Variants in RUVBL1 observed in about 807,000 individuals in gnomAD.
RUVBL1 encodes the protein ruvB-like 1.
A neutral mutation model predicts 52.4 loss-of-function variants in RUVBL1; 4 were observed. The observed-to-expected ratio is 0.08, with a 90% CI of 0.04 to 0.17. The LOEUF is 0.17. Among genes scored for constraint, RUVBL1 ranks in the 10% least tolerant of loss-of-function variants. RUVBL1 has a pLI of 1.00. For synonymous variants in RUVBL1, 217 were observed against 214.4 expected, an observed-to-expected ratio of 1.01 and a Z score of -0.10; for missense variants, 298 against 572.8, an observed-to-expected ratio of 0.52 and a Z score of 4.90.
intron 1 of RUVBL1, among the ~76,000 whole-genome samples, chr3:128,148,942 A>G (rs1944143908): frequency 6.6e-6 from 1 of 152,002 alleles, no homozygotes; most frequent in Non-Finnish European, 1.5e-5. Context: ...ACAGTTTTTC[A>G]TTATGGAAAA....
rs1262649177 is a variant in RUVBL1, at chr3:128,100,604, C to T, written c.744G>A (p.Ala248=). The T allele has an allele frequency of 4.4e-6, 7 of 1,607,566 alleles. No individual in the cohort carries two copies. Among genetic ancestry groups the T allele is most frequent in the East Asian group, 2.2e-5 (1 of 44,612 alleles). The change falls in exon 6 of 11, where the codon GCG becomes GCA. Residue 248 remains alanine, a synonymous_variant. Transcript: ENST00000322623. Reference sequence around the variant, plus strand: ...GGCATCGAGGCAGTACCTGGGGCCGCGCATTAGCCACATCCAAGTCATGCA... The same window carrying T: ...GGCATCGAGGCAGTACCTGGGGCCGTGCATTAGCCACATCCAAGTCATGCA... The part of the protein sequence containing the change: ...VTLHDLDVAN[A]RPQGGQDILS...
intron 3 of RUVBL1, among the ~76,000 whole-genome samples, chr3:128,108,497 C>T (rs1479329408): frequency 6.6e-6 from 1 of 152,008 alleles, no homozygotes; most frequent in Non-Finnish European, 1.5e-5. Context: ...CAGATTTTAT[C>T]AATATCAGAA....
At chr3:128,140,115 C>G (rs925607751) in intron 1 of RUVBL1, among the ~76,000 whole-genome samples, 1 of 151,520 alleles carries the variant, frequency 6.6e-6, no homozygotes, top group African/African-American at 2.4e-5. Context: ...CATTGTATGC[C>G]TGTGTCAAAA....
intron 6 of RUVBL1, 64 bp downstream of exon 6, chr3:128,100,531 C>A: frequency 6.6e-7 from 1 of 1,508,872 alleles, no homozygotes; most frequent in South Asian, 1.3e-5. Flanking sequence ...ACAATTCATT[C>A]CCAGATCTCC....
intron 3 of RUVBL1, 29 bp from the exon 4 acceptor site, chr3:128,104,953 G>A (rs1401187893): frequency 1.3e-6 from 2 of 1,583,120 alleles, no homozygotes; most frequent in South Asian, 2.2e-5. Flanking sequence ...GGGCCATGGT[G>A]AGAAGCAGAA....
rs72970131 is a variant in RUVBL1 at position 128,136,777 on chromosome 3, A to C, written c.-40+16426T>G. ...AGTAGCTATACTTACAGCAGAAAAA[A>C]TAGATTTCAAGACAAAAACTATATA... On this transcript the variant is annotated intron_variant, in intron 1 of 9. Coordinates refer to the RUVBL1 transcript ENST00000464873. Among the ~76,000 whole-genome samples the C allele has an allele frequency of 8.5e-4, 130 of 152,322 alleles. 1 individual carries two copies. The highest frequency in any genetic ancestry group is 3.0e-3 in the African/African-American group (126 of 41,570).
Position 128,101,578 on chromosome 3 carries a change from G to T in RUVBL1, c.584C>A (p.Ala195Asp). ...CATTACCTTCACGGCCCCACTGTTG[G>T]CTTCAATGTAAATCACATCTCCAGC... ...VEAGDVIYIE[A>D]NSGAVKRQGR... Residue 195 changes from alanine to aspartate, a missense_variant, in exon 5 of 11, where the codon GCC becomes GAC. Ala to Asp is a moderately radical substitution (Grantham distance 126). This residue lies in a region of RUVBL1 where 58 missense variants were observed against 83.2 expected (regional missense o/e 0.70). Transcript: ENST00000322623. 1 of 1,613,958 alleles carries T rather than the reference G, an allele frequency of 6.2e-7. No homozygotes were observed. Among genetic ancestry groups the T allele is most frequent in the Non-Finnish European group, 8.5e-7 (1 of 1,179,982 alleles).
At chr3:128,130,620 TTTATTTATGTATTTATTTATTTA>T (rs1559833180) in intron 1 of RUVBL1, among the ~76,000 whole-genome samples, 7 of 61,510 alleles carry the variant, frequency 1.1e-4, no homozygotes, top group African/African-American at 4.4e-4. Context: ...AAAAATTTTA[TTTATTTATGTATTTATTTATTTA>T]TTTATTTATT....
chr3:128,109,480 C>T (rs1457894135), intron 3 of RUVBL1, among the ~76,000 whole-genome samples: 1 of 152,106 alleles, frequency 6.6e-6, no homozygotes, highest in Non-Finnish European at 1.5e-5. Context: ...CTCCTGGGCT[C>T]AAGCGATTCT....
At chr3:128,094,044 G>T (rs1045490711) in intron 8 of RUVBL1, among the ~76,000 whole-genome samples, 8 of 152,182 alleles carry the variant, frequency 5.3e-5, no homozygotes, top group Admixed American at 3.3e-4. Context: ...CAGCTTCCAA[G>T]AGGGCAATAC....
At chr3:128,152,935 C>CAG (rs1944260149) in intron 1 of RUVBL1, among the ~76,000 whole-genome samples, 1 of 40,100 alleles carries the variant, frequency 2.5e-5, no homozygotes, top group Non-Finnish European at 5.0e-5. Flanking sequence ...TCCCCCCGCC[C>CAG]TCCCCCCCGC....
intron 1 of RUVBL1, among the ~76,000 whole-genome samples, chr3:128,121,298 G>A (rs1022308449): frequency 1.3e-5 from 2 of 151,688 alleles, no homozygotes; most frequent in Non-Finnish European, 2.9e-5. Flanking sequence ...GTTTCGTCAT[G>A]TTGGCCAGGC....
At chr3:128,123,557 C>G in intron 1 of RUVBL1, 27 bp downstream of exon 1, 1 of 1,570,142 alleles carries the variant, frequency 6.4e-7, no homozygotes, top group African/African-American at 1.4e-5. Context: ...GCTTGCAGCC[C>G]CCAACTCCCT....
In RUVBL1 at chr3:128,099,618, T is replaced by C. The variant is rs560677601; in HGVS notation, c.754-673A>G. ...CTCCTGCGGGCTCCTAACAGTGCAG[T>C]CAGCAAGAGGAAGAGGCTGGTGTTT... is the stretch of plus-strand genomic sequence containing the variant. On this transcript the variant is annotated intron_variant, in intron 6 of 10. Coordinates refer to ENST00000322623, the MANE Select transcript of RUVBL1 (RefSeq NM_003707.3). 5.3e-5 allele frequency among the ~76,000 whole-genome samples: 8 copies of C among 152,246 alleles called. 1 individual carries two copies. The South Asian group carries it at 1.7e-3, about 32-fold the overall frequency.
At position 128,074,323 on chromosome 3, in the gene RUVBL1, T is replaced by G. The variant is rs1173618766; in HGVS notation, c.940-9103A>C. On this transcript the variant is annotated intron_variant, in intron 9 of 9. Transcript: ENST00000464873. ...AAAGCTAAGTGAAAGAAACAAGTCA[T>G]GTTGTATGATGCCATTTACATGAAA... Among the ~76,000 whole-genome samples the G allele has an allele frequency of 2.0e-5, 3 of 151,902 alleles. No homozygotes were observed. The East Asian group carries it at 5.8e-4, about 29-fold the overall frequency.
At chr3:128,138,992 C>G (rs186150027) in intron 1 of RUVBL1, among the ~76,000 whole-genome samples, 10 of 151,920 alleles carry the variant, frequency 6.6e-5, no homozygotes, top group Middle Eastern at 3.4e-3. Flanking sequence ...GATAGCCATA[C>G]GAGAGAAAAT....
At chr3:128,150,894 A>ATATTC (rs1944189343) in intron 1 of RUVBL1, among the ~76,000 whole-genome samples, 1 of 85,794 alleles carries the variant, frequency 1.2e-5, no homozygotes, top group African/African-American at 4.9e-5. Context: ...TATATATTCT[A>ATATTC]TATATATAAT....
At chr3:128,118,611 C>G (rs1943577593) in intron 2 of RUVBL1, among the ~76,000 whole-genome samples, 1 of 152,186 alleles carries the variant, frequency 6.6e-6, no homozygotes. Flanking sequence ...TCTGGCCAGT[C>G]CCCTCACGAA....
At chr3:128,108,307 A>G (rs1235415974) in intron 3 of RUVBL1, among the ~76,000 whole-genome samples, 1 of 152,128 alleles carries the variant, frequency 6.6e-6, no homozygotes, top group Non-Finnish European at 1.5e-5. Flanking sequence ...TGGTAGGATC[A>G]AGAAATTTTC....
Sources: gnomAD v4.1 joint callset for allele counts (sites outside exome capture counted in the v4.1 genomes callset) on GRCh38, gnomAD v4.1.1 for gene constraint, gnomAD v4.1.1 regional missense constraint, MANE v1.5 for transcripts, NCBI Gene and HGNC (gene_info 2026-07-23, HGNC 2026-07-21) for gene names.